The following NCKAP5 variants were observed in gnomAD, a reference collection of about 807,000 sequenced individuals.
NCKAP5 encodes the protein NCK associated protein 5, also known as nck-associated protein 5.
Under a neutral mutation model 167.0 loss-of-function variants are expected in NCKAP5, and 92 were observed. The observed-to-expected ratio is 0.55, with a 90% CI of 0.47 to 0.66. NCKAP5 has a LOEUF of 0.66. Among genes scored for constraint, NCKAP5 ranks in the 30% least tolerant of loss-of-function variants. The pLI is 0.00. For synonymous variants in NCKAP5, 891 were observed against 877.4 expected (o/e 1.02, Z -0.27); for missense variants, 2,378 against 2,315.0 (o/e 1.03, Z -0.56).
chr2:133,318,500 T>C (rs983787501), intron 3 of NCKAP5, among the ~76,000 whole-genome samples: 5 of 152,226 alleles, frequency 3.3e-5, no homozygotes, highest in African/African-American at 1.2e-4. Flanking sequence ...CAACCTGATG[T>C]AAACAGCACT....
intron 10 of NCKAP5, among the ~76,000 whole-genome samples, chr2:132,861,755 A>ATGCCTCCTT (rs1441191623): frequency 6.6e-6 from 1 of 152,050 alleles, no homozygotes; most frequent in African/African-American, 2.4e-5. Flanking sequence ...TCAGCCCTCA[A>ATGCCTCCTT]TGCCTCCTTT....
chr2:132,899,080 C>A (rs947185453), intron 8 of NCKAP5, among the ~76,000 whole-genome samples: 10 of 152,186 alleles, frequency 6.6e-5, no homozygotes, highest in South Asian at 4.1e-4. Flanking sequence ...ATCAAAAAAT[C>A]TGTTGTTTAG....
intron 3 of NCKAP5, among the ~76,000 whole-genome samples, chr2:133,460,263 C>T (rs1004162682): frequency 2.6e-5 from 4 of 152,134 alleles, no homozygotes; most frequent in Non-Finnish European, 4.4e-5. Flanking sequence ...TGAGCTGAAT[C>T]ACATAGAGGG....
intron 5 of NCKAP5, among the ~76,000 whole-genome samples, chr2:133,196,227 T>G (rs1359548306): frequency 6.6e-6 from 1 of 152,232 alleles, no homozygotes; most frequent in East Asian, 1.9e-4. Flanking sequence ...AAAGAAGAAC[T>G]TCTAAAGTGT....
At chr2:132,769,784 G>A (rs1353666957) in intron 16 of NCKAP5, among the ~76,000 whole-genome samples, 1 of 152,206 alleles carries the variant, frequency 6.6e-6, no homozygotes, top group Non-Finnish European at 1.5e-5. Flanking sequence ...TGCATAAGAT[G>A]TAGTCTATGG....
intron 8 of NCKAP5, among the ~76,000 whole-genome samples, chr2:132,884,278 G>T (rs1692036369): frequency 6.6e-6 from 1 of 152,114 alleles, no homozygotes; most frequent in Non-Finnish European, 1.5e-5. Context: ...CACAGTTATT[G>T]GTTATTCCCA....
At chr2:133,642,969 T>C in the NCKAP5 span, among the ~76,000 whole-genome samples, 2 of 152,358 alleles carry the variant, frequency 1.3e-5, no homozygotes, top group Admixed American at 1.3e-4. Context: ...AATGCCATCA[T>C]TGCAATAGTG....
chr2:133,212,158 A>G (rs996691221), intron 5 of NCKAP5, among the ~76,000 whole-genome samples: 7 of 152,206 alleles, frequency 4.6e-5, no homozygotes, highest in South Asian at 2.1e-4. Flanking sequence ...TACGAAAGTT[A>G]AGTTACTTCC....
At chr2:133,272,223 CAA>C (rs2089545763) in intron 4 of NCKAP5, among the ~76,000 whole-genome samples, 1 of 146,772 alleles carries the variant, frequency 6.8e-6, no homozygotes, top group Non-Finnish European at 1.5e-5. Context: ...AGTACCCAAA[CAA>C]AACAGAACAA....
At chr2:133,529,727 C>T (rs762902246) in intron 2 of NCKAP5, among the ~76,000 whole-genome samples, 15 of 152,206 alleles carry the variant, frequency 9.9e-5, no homozygotes, top group African/African-American at 2.2e-4. Context: ...AAAGCTTTTA[C>T]AAATTTGTTG....
intron 1 of NCKAP5, among the ~76,000 whole-genome samples, chr2:133,567,698 T>A (rs976289159): frequency 2.9e-5 from 4 of 139,240 alleles, no homozygotes; most frequent in Non-Finnish European, 6.2e-5. Context: ...TGTGTGTGTG[T>A]GTTTGGGGAG....
At chr2:133,539,876 G>T (rs1033240280) in intron 2 of NCKAP5, among the ~76,000 whole-genome samples, 1 of 152,096 alleles carries the variant, frequency 6.6e-6, no homozygotes, top group Non-Finnish European at 1.5e-5. Flanking sequence ...CAAAACAGAA[G>T]AACATGTGAA....
the NCKAP5 span, among the ~76,000 whole-genome samples, chr2:133,614,774 A>G: frequency 1.7e-3 from 253 of 151,370 alleles, no homozygotes; most frequent in African/African-American, 5.8e-3. Flanking sequence ...GCAGGCCAAC[A>G]TTCAGATTCA....
intron 5 of NCKAP5, among the ~76,000 whole-genome samples, chr2:133,164,032 A>G (rs1187925768): frequency 6.6e-6 from 1 of 152,238 alleles, no homozygotes; most frequent in Non-Finnish European, 1.5e-5. Context: ...GCAAGGCCTC[A>G]GAAAACAGAC....
intron 15 of NCKAP5, among the ~76,000 whole-genome samples, 151 bp from the exon 16 acceptor site, chr2:132,774,045 C>A (rs1432007423): frequency 6.6e-6 from 1 of 152,180 alleles, no homozygotes; most frequent in Non-Finnish European, 1.5e-5. Context: ...TGTATGTATA[C>A]ATATAAAATA....
chr2:132,684,585 G>A (rs1047739484), intron 19 of NCKAP5, among the ~76,000 whole-genome samples: 1 of 152,086 alleles, frequency 6.6e-6, no homozygotes, highest in African/African-American at 2.4e-5. Context: ...ATAACCCAAC[G>A]TAACAGGTGT....
At chr2:132,953,703 GA>G (rs34268055) in intron 8 of NCKAP5, among the ~76,000 whole-genome samples, 24,298 of 147,166 alleles carry the variant, frequency 0.17, 2,559 homozygotes, top group Admixed American at 0.37. Flanking sequence ...CACAGAAGGG[GA>G]AAAAAAAAAT....
chr2:132,729,166 C>A (rs1157913231), intron 17 of NCKAP5, among the ~76,000 whole-genome samples: 1 of 152,120 alleles, frequency 6.6e-6, no homozygotes, highest in Non-Finnish European at 1.5e-5. Flanking sequence ...TTTTCAAGAC[C>A]CCGAGGCAAA....
intron 6 of NCKAP5, among the ~76,000 whole-genome samples, chr2:132,994,647 T>A (rs898014327): frequency 6.6e-6 from 1 of 152,248 alleles, no homozygotes; most frequent in Non-Finnish European, 1.5e-5. Context: ...TAATCTACTG[T>A]CAGGTCTTTC....
Sources: allele counts gnomAD v4.1 joint callset (sites outside exome capture counted in the v4.1 genomes callset), GRCh38; gene constraint gnomAD v4.1.1; transcripts MANE v1.5; gene names NCBI Gene and HGNC (gene_info 2026-07-23, HGNC 2026-07-21).